SPP2: variants seen among roughly 807,000 people sequenced by gnomAD.
SPP2 encodes secreted phosphoprotein 24.
In SPP2, 34 loss-of-function variants were observed where a neutral mutation model predicts 28.8. The ratio of observed to expected loss-of-function variants is 1.18; its 90% CI spans 0.90 to 1.57. The LOEUF is 1.57. Among genes scored for constraint, SPP2 ranks in the 40% most tolerant of loss-of-function variants. The pLI, the probability that SPP2 is intolerant of heterozygous loss-of-function variation, is 0.00. For synonymous variants in SPP2, 96 were observed against 89.4 expected (o/e 1.07, Z -0.42); for missense variants, 269 against 263.9 (o/e 1.02, Z -0.13).
Position 234,051,059 on chromosome 2 carries a change from G to C in SPP2, c.174G>C (p.Pro58=). ...AAGTGAATTCCCAGTCACTGAGTCC[G>C]TATCTGTTTCGGGCATTCAGAAGCT... is the stretch of plus-strand genomic sequence containing the variant. ...VVKVNSQSLS[P]YLFRAFRSSL... is the part of the protein sequence containing the mutation. The change falls in exon 2 of 8, where the codon CCG becomes CCC. Residue 58 remains proline, a synonymous_variant. Transcript: ENST00000168148. 2.5e-6 allele frequency: 4 copies of C among 1,613,950 alleles called. No individual in the cohort carries two copies. Among genetic ancestry groups the C allele is most frequent in the Non-Finnish European group, 2.5e-6 (3 of 1,179,894 alleles).
At position 234,069,993 on chromosome 2, in the gene SPP2, A is replaced by G. The variant is rs1338478634; in HGVS notation, c.616A>G (p.Ile206Val). The change falls in exon 7 of 8, where the codon ATA becomes GTA. Residue 206 changes from isoleucine (I) to valine (V), a missense_variant. Physicochemically the swap from Ile to Val is conservative, Grantham distance 29. Transcript: ENST00000168148. Reference sequence around the variant, plus strand: ...CCCAAACCACCGGCACAGAGCAAGAATAAATACTGACTTTGAGTAACGGCC... The same window carrying G: ...CCCAAACCACCGGCACAGAGCAAGAGTAAATACTGACTTTGAGTAACGGCC... ...RYPNHRHRAR[I>V]NTDFE 6.2e-7 allele frequency: 1 copy of G among 1,613,570 alleles called. No homozygotes were observed. The highest frequency in any genetic ancestry group is 1.7e-5 in the Admixed American group (1 of 60,018).
intron 3 of SPP2, among the ~76,000 whole-genome samples, 196 bp downstream of exon 3, chr2:234,059,154 G>A (rs192787772): frequency 6.6e-6 from 1 of 152,166 alleles, no homozygotes; most frequent in Non-Finnish European, 1.5e-5. Flanking sequence ...CTGAGATCCT[G>A]AGTGATCCTG....
At chr2:234,062,935 A>G (rs373689474) in intron 4 of SPP2, among the ~76,000 whole-genome samples, 2 of 152,338 alleles carry the variant, frequency 1.3e-5, no homozygotes, top group South Asian at 2.1e-4. Flanking sequence ...CTTGTAAAAA[A>G]CTAGATCTTA....
At chr2:234,053,149 T>C (rs1191092543) in intron 2 of SPP2, among the ~76,000 whole-genome samples, 2 of 147,238 alleles carry the variant, frequency 1.4e-5, no homozygotes, top group Non-Finnish European at 3.0e-5. Flanking sequence ...AAAAGAAGAA[T>C]AACAAGGTAA....
chr2:234,058,625 C>T (rs778572825), intron 2 of SPP2, among the ~76,000 whole-genome samples: 4 of 152,208 alleles, frequency 2.6e-5, no homozygotes, highest in South Asian at 4.1e-4. Flanking sequence ...GTTCCATTTT[C>T]GTCACTAAAC....
intron 2 of SPP2, among the ~76,000 whole-genome samples, chr2:234,054,918 CT>C (rs1274219836): frequency 6.6e-6 from 1 of 152,024 alleles, no homozygotes; most frequent in Non-Finnish European, 1.5e-5. Flanking sequence ...GTCTCCATGC[CT>C]TTTTTGTGTG....
At chr2:234,055,374 G>A (rs1271331637) in intron 2 of SPP2, among the ~76,000 whole-genome samples, 1 of 152,164 alleles carries the variant, frequency 6.6e-6, no homozygotes, top group East Asian at 1.9e-4. Context: ...ATTCGATGAA[G>A]CCCACCCACA....
intron 4 of SPP2, among the ~76,000 whole-genome samples, chr2:234,064,297 T>C (rs1693776743): frequency 6.6e-6 from 1 of 151,738 alleles, no homozygotes; most frequent in African/African-American, 2.4e-5. Context: ...ACGTCCACCC[T>C]TGCTGCAGAG....
At position 234,060,474 on chromosome 2, in the gene SPP2, G is replaced by A. The variant is rs541421017; in HGVS notation, c.439G>A (p.Glu147Lys). Residue 147 changes from glutamate (E) to lysine (K), a missense_variant, in exon 4 of 8, where the codon GAA (glutamate) becomes AAA (lysine). Glu to Lys is a moderately conservative substitution (Grantham distance 56). Transcript: ENST00000168148. ...SSSTSESYSS[E>K]EMIFGDMLGS... ...CTCCACGTCTGAGTCTTACAGCAGC[G>A]AAGAGGTATGACTGGGGCCTTGTCT... 9 of 1,612,808 alleles carry A rather than the reference G, an allele frequency of 5.6e-6. 1 individual carries two copies. Among genetic ancestry groups the A allele is most frequent in the South Asian group, 5.5e-5 (5 of 91,008 alleles).
At chr2:234,072,879 C>A (rs1690823871) in intron 7 of SPP2, among the ~76,000 whole-genome samples, 1 of 152,196 alleles carries the variant, frequency 6.6e-6, no homozygotes, top group African/African-American at 2.4e-5. Flanking sequence ...CTTGTCCATA[C>A]TAGACCATAA....
chr2:234,074,983 C>T (rs1375996454), intron 7 of SPP2, among the ~76,000 whole-genome samples: 1 of 60,262 alleles, frequency 1.7e-5, no homozygotes, highest in Non-Finnish European at 3.2e-5. Context: ...ACGTCATCAA[C>T]AAAAAGCACA....
At chr2:234,069,614 G>T (rs1693893742) in intron 6 of SPP2, among the ~76,000 whole-genome samples, 2 of 152,140 alleles carry the variant, frequency 1.3e-5, no homozygotes, top group South Asian at 4.2e-4. Context: ...ACACTGGGTA[G>T]ATCCCTTGGA....
At chr2:234,053,746 A>G (rs577118273) in intron 2 of SPP2, among the ~76,000 whole-genome samples, 1 of 152,248 alleles carries the variant, frequency 6.6e-6, no homozygotes, top group South Asian at 2.1e-4. Flanking sequence ...TCTTGCTCCA[A>G]CCTTGACATT....
chr2:234,060,949 T>C (rs1693709444), intron 4 of SPP2, among the ~76,000 whole-genome samples: 1 of 152,204 alleles, frequency 6.6e-6, no homozygotes, highest in African/African-American at 2.4e-5. Context: ...CTCAGCTCTG[T>C]AGTCCAGGTC....
chr2:234,075,834 C>T (rs181406546), intron 7 of SPP2, among the ~76,000 whole-genome samples: 11 of 152,300 alleles, frequency 7.2e-5, no homozygotes, highest in East Asian at 1.9e-4. Context: ...ATTCTTCCCT[C>T]GGAGACTCAC....
intron 4 of SPP2, among the ~76,000 whole-genome samples, chr2:234,060,966 C>T (rs1693709630): frequency 6.6e-6 from 1 of 152,152 alleles, no homozygotes; most frequent in Non-Finnish European, 1.5e-5. Flanking sequence ...GGTCAGGATA[C>T]TTGACTTTCA....
At chr2:234,063,421 G>T (rs1477209467) in intron 4 of SPP2, among the ~76,000 whole-genome samples, 1 of 152,126 alleles carries the variant, frequency 6.6e-6, no homozygotes, top group Non-Finnish European at 1.5e-5. Context: ...AGGACTTAGA[G>T]TAAGTCTGGT....
intron 7 of SPP2, among the ~76,000 whole-genome samples, chr2:234,071,490 T>C (rs547521774): frequency 6.6e-6 from 1 of 152,274 alleles, no homozygotes; most frequent in East Asian, 1.9e-4. Flanking sequence ...AGGGATGGGA[T>C]TGGAGCAAAT....
intron 4 of SPP2, 84 bp downstream of exon 4, chr2:234,060,563 A>G (rs905444076): frequency 2.8e-6 from 3 of 1,084,254 alleles, no homozygotes; most frequent in Non-Finnish European, 4.1e-6. Context: ...TTTGCTGGGT[A>G]GCTGGATCAT....
Sources: allele counts gnomAD v4.1 joint callset (sites outside exome capture counted in the v4.1 genomes callset), GRCh38; gene constraint gnomAD v4.1.1; transcripts MANE v1.5; gene names NCBI Gene and HGNC (gene_info 2026-07-23, HGNC 2026-07-21).